Variants in PRICKLE4 observed in about 807,000 individuals in gnomAD.
PRICKLE4 encodes prickle planar cell polarity protein 4, also known as prickle-like protein 4.
Under a neutral mutation model 43.5 loss-of-function variants are expected in PRICKLE4, and 40 were observed. The ratio of observed to expected loss-of-function variants is 0.92; its 90% CI spans 0.71 to 1.20. The LOEUF (loss-of-function observed/expected upper bound fraction) is 1.20, where lower values mean the gene tolerates loss of function less well. Among genes scored for constraint, PRICKLE4 ranks in the 50% most tolerant of loss-of-function variants. The pLI is 0.00. For missense variants in PRICKLE4, 527 were observed against 491.2 expected, an observed-to-expected ratio of 1.07 and a Z score of -0.69; for synonymous variants, 208 against 197.4, an observed-to-expected ratio of 1.05 and a Z score of -0.45.
Position 41,786,142 on chromosome 6 carries a change from G to A in PRICKLE4, c.597G>A (p.Trp199Ter), listed in dbSNP as rs757250665. 3.1e-6 allele frequency: 5 copies of A among 1,613,634 alleles called. No individual in the cohort carries two copies. In the African/African-American group the frequency reaches 6.7e-5, roughly 22 times the overall value. Residue 199 changes from tryptophan to a stop codon, truncating the protein, a stop_gained, in exon 7 of 8, where the codon TGG (tryptophan) becomes TGA (stop). Coordinates refer to ENST00000458694, the MANE Select transcript of PRICKLE4 (RefSeq NM_013397.6). LOFTEE classifies it high-confidence loss of function. ...CCCTCTCCCAGCTGATCTTCTCCTG[G>A]CGCTGCACCGAGGCGGAGGGACAGC... is the stretch of plus-strand genomic sequence containing the variant. The part of the protein sequence containing the change: ...CPACDQLIFS[W>*]RCTEAEGQRW...
chr6:41,786,695 C>T (rs201691146), intron 7 of PRICKLE4, 67 bp from the exon 8 acceptor site: 6 of 1,607,390 alleles, frequency 3.7e-6, no homozygotes, highest in Middle Eastern at 1.6e-4. Flanking sequence ...GCCTCACCCC[C>T]ACTAGCTGCG....
At chr6:41,785,834 C>A (rs1345347837) in intron 6 of PRICKLE4, among the ~76,000 whole-genome samples, 1 of 152,142 alleles carries the variant, frequency 6.6e-6, no homozygotes, top group African/African-American at 2.4e-5. Context: ...ATGCCGAGTG[C>A]CCAGTGCTGT....
chr6:41,786,766 G>T lies in PRICKLE4; in HGVS notation c.792G>T (p.Glu264Asp). 6.2e-7 allele frequency: 1 copy of T among 1,612,990 alleles called. No homozygotes were observed. Among genetic ancestry groups the T allele is most frequent in the Non-Finnish European group, 8.5e-7 (1 of 1,179,780 alleles). The change falls in exon 8 of 8, where the codon GAG becomes GAT. Residue 264 changes from glutamate (E) to aspartate (D), a missense_variant. Glu to Asp is a conservative substitution (Grantham distance 45). Coordinates refer to ENST00000458694, the MANE Select transcript of PRICKLE4 (RefSeq NM_013397.6). Reference sequence around the variant, plus strand: ...TTCCGACCCGGCCCGGAACAGGGGAGACTGGACTCGACCGAACTGAAGGAA... The same window carrying T: ...TTCCGACCCGGCCCGGAACAGGGGATACTGGACTCGACCGAACTGAAGGAA... ...GALEGQAFLG[E>D]TGLDRTEGRD...
intron 2 of PRICKLE4, 142 bp from the exon 3 acceptor site, chr6:41,783,320 C>T (rs1772582558): frequency 1.2e-6 from 1 of 839,364 alleles, no homozygotes. Flanking sequence ...TCAGTTGGGC[C>T]ATCTGTAAGA....
chr6:41,785,115 T>C lies in PRICKLE4; in HGVS notation c.378+43T>C, dbSNP rs775672681. 20 of 1,606,718 alleles carry C rather than the reference T, an allele frequency of 1.2e-5. No individual in the cohort carries two copies. The East Asian group carries it at 3.1e-4, about 25-fold the overall frequency. On this transcript the variant is annotated intron_variant, in intron 5 of 7. Coordinates refer to ENST00000458694, the MANE Select transcript of PRICKLE4 (RefSeq NM_013397.6). ...CCCCAAATTCCCCTTCCTCTATTCT[T>C]TGCCCTCTCATTTCTGCAGAAGGGG...
rs61204852 is a variant in PRICKLE4 at position 41,787,401 on chromosome 6, C to A, written c.*272C>A. The A allele has an allele frequency of 3.6e-4, 218 of 610,374 alleles. 1 individual carries two copies. The East Asian group carries it at 4.6e-3, about 13-fold the overall frequency. The allele number at this position is 610,374 out of a possible 1,614,324, so 37.8% of individuals were successfully genotyped here. ...CCCACCTCCACAGGCTGGGACAGCC[C>A]CGTCCCCACCATCCTCCTCCCAAGC... On this transcript the variant is annotated 3_prime_UTR_variant, in exon 8 of 8. Coordinates refer to ENST00000458694, the MANE Select transcript of PRICKLE4 (RefSeq NM_013397.6).
rs1160965949 is a variant in PRICKLE4, at chr6:41,786,205, C to T, written c.660C>T (p.Ala220=). 1.9e-6 allele frequency: 3 copies of T among 1,609,484 alleles called. No individual in the cohort carries two copies. The highest frequency in any genetic ancestry group is 2.2e-5 in the South Asian group (2 of 90,826). Residue 220 remains alanine (A), a synonymous_variant, in exon 7 of 8, where the codon GCC becomes GCT. Transcript: ENST00000458694. ...ACCACTTCTGTTGCCAGGACTGCGC[C>T]GGGCCTCTGGGCGGGGGACGTTATG... The part of the protein sequence containing the change: ...HENHFCCQDC[A]GPLGGGRYAL...
At position 41,786,806 on chromosome 6, in the gene PRICKLE4, G is replaced by A; in HGVS notation, c.832G>A (p.Val278Met). ...AACTGAAGGAAGGGACCAAACCTCG[G>A]TGAACTCTGCAACCCTCTCCCGAAC... The part of the protein sequence containing the change: ...DRTEGRDQTS[V>M]NSATLSRTLL... Residue 278 changes from valine to methionine, a missense_variant, in exon 8 of 8, where the codon GTG becomes ATG. Transcript: ENST00000458694. 1 of 1,606,938 alleles carries A rather than the reference G, an allele frequency of 6.2e-7. No homozygotes were observed. Among genetic ancestry groups the A allele is most frequent in the South Asian group, 1.1e-5 (1 of 90,204 alleles).
rs547639371 is a variant in PRICKLE4 at position 41,786,104 on chromosome 6, CCCCTCT to C, written c.583-8_583-3del. Reference sequence around the variant, plus strand: ...TGAGGGAATGAATGAATGAAACGTTCCCCTCTCCCTCTCCCTCTCCCAGCTGATCTT... The same window carrying C: ...TGAGGGAATGAATGAATGAAACGTTCCCCTCTCCCTCTCCCAGCTGATCTT... On this transcript the variant is annotated intron_variant, in intron 6 of 7. Transcript: ENST00000458694. The C allele has an allele frequency of 1.5e-4, 234 of 1,600,118 alleles. 2 individuals are homozygous for C. The highest frequency in any genetic ancestry group is 1.2e-3 in the African/African-American group (87 of 74,754).
Position 41,787,170 on chromosome 6 carries a change from G to T in PRICKLE4, c.*41G>T, listed in dbSNP as rs764256600. 4.1e-5 allele frequency: 63 copies of T among 1,546,164 alleles called. No individual in the cohort carries two copies. The highest frequency in any genetic ancestry group is 5.2e-5 in the Non-Finnish European group (60 of 1,153,084). ...AGGGGATGTGAGTGGGAGGAAAGGG[G>T]TCTGTAAAGCGGGAGAACAAGGCTA... On this transcript the variant is annotated 3_prime_UTR_variant, in exon 8 of 8. Coordinates refer to ENST00000458694, the MANE Select transcript of PRICKLE4 (RefSeq NM_013397.6).
chr6:41,786,562 G>A (rs759830909), intron 7 of PRICKLE4, 200 bp from the exon 8 acceptor site: 6 of 1,080,798 alleles, frequency 5.6e-6, no homozygotes, highest in African/African-American at 3.3e-5. Flanking sequence ...GGGTTGCGGC[G>A]CCAGACTCCC....
At position 41,786,183 on chromosome 6, in the gene PRICKLE4, A is replaced by T; in HGVS notation, c.638A>T (p.His213Leu). 6.2e-7 allele frequency: 1 copy of T among 1,612,638 alleles called. No homozygotes were observed. The highest frequency in any genetic ancestry group is 2.2e-5 in the East Asian group (1 of 44,798). ...GAGGGACAGCGCTGGCATGAGAACC[A>T]CTTCTGTTGCCAGGACTGCGCCGGG... ...EAEGQRWHEN[H>L]FCCQDCAGPL... is the part of the protein sequence containing the mutation. The change falls in exon 7 of 8, where the codon CAC (histidine) becomes CTC (leucine). Residue 213 changes from histidine to leucine, a missense_variant. By Grantham distance (99) the His-to-Leu change is moderately conservative (BLOSUM62 -3). Transcript: ENST00000458694.
rs763727747 is a variant in PRICKLE4, at chr6:41,784,957, GGGA to G, written c.271_273del (p.Glu91del). 1 of 1,614,044 alleles carries G rather than the reference GGGA, an allele frequency of 6.2e-7. No homozygotes were observed. The highest frequency in any genetic ancestry group is 1.1e-5 in the South Asian group (1 of 91,066). On this transcript the variant is annotated inframe_deletion, in exon 5 of 8. Transcript: ENST00000458694. ...CAGGAGCGCTACTGCCTGGCCCTTG[GGGA>G]GGAGGAGCGGGCCGAGCTGCAGCTC...
intron 2 of PRICKLE4, among the ~76,000 whole-genome samples, chr6:41,781,903 G>A: frequency 6.6e-6 from 1 of 152,174 alleles, no homozygotes; most frequent in African/African-American, 2.4e-5. Context: ...CCTTGGCACA[G>A]AGTAAATATT....
Position 41,786,971 on chromosome 6 carries a change from G to A in PRICKLE4, c.997G>A (p.Asp333Asn). The change falls in exon 8 of 8, where the codon GAT becomes AAT. Residue 333 changes from aspartate to asparagine, a missense_variant. Asp to Asn is a conservative substitution (Grantham distance 23). Transcript: ENST00000458694. ...QEQCRLETIR[D>N]PKDTPFSTCS... ...GCAATGCCGCCTGGAGACTATTCGT[G>A]ATCCCAAGGACACCCCTTTCTCCAC... 1 of 1,614,106 alleles carries A rather than the reference G, an allele frequency of 6.2e-7. No individual in the cohort carries two copies. The highest frequency in any genetic ancestry group is 8.5e-7 in the Non-Finnish European group (1 of 1,179,994).
intron 7 of PRICKLE4, 85 bp downstream of exon 7, chr6:41,786,417 C>T: frequency 7.1e-7 from 1 of 1,408,332 alleles, no homozygotes. Context: ...TCGCCCCGGT[C>T]CCACGCCGTC....
intron 2 of PRICKLE4, among the ~76,000 whole-genome samples, chr6:41,783,035 A>T (rs1217963464): frequency 1.3e-5 from 2 of 152,148 alleles, no homozygotes; most frequent in Non-Finnish European, 2.9e-5. Flanking sequence ...CCCATGTAGG[A>T]AGTTGTGAAC....
rs777646423 is a variant in PRICKLE4, at chr6:41,787,115, T to C, written c.1141T>C (p.Cys381Arg). 2 of 1,604,482 alleles carry C rather than the reference T, an allele frequency of 1.2e-6. No individual in the cohort carries two copies. The highest frequency in any genetic ancestry group is 2.7e-5 in the African/African-American group (2 of 74,702). Residue 381 changes from cysteine to arginine, a missense_variant, in exon 8 of 8, where the codon TGC becomes CGC. Coordinates refer to ENST00000458694, the MANE Select transcript of PRICKLE4 (RefSeq NM_013397.6). The part of the protein sequence containing the change: ...AEDSNASKTH[C>R]TMC ...GGACAGCAACGCCTCTAAGACGCAC[T>C]GCACCATGTGCTAGTGGCGCAGCTC... is the stretch of plus-strand genomic sequence containing the variant.
Position 41,780,789 on chromosome 6 carries a change from T to G in PRICKLE4, c.-221T>G. On this transcript the variant is annotated 5_prime_UTR_variant, in exon 1 of 8. Coordinates refer to ENST00000458694, the MANE Select transcript of PRICKLE4 (RefSeq NM_013397.6). ...CCGGGTGAGGGGCCTGACGGCAGAG[T>G]CGGTCCAGAACTGCCCGGACAGCGA... 2 of 309,232 alleles carry G rather than the reference T, an allele frequency of 6.5e-6. No homozygotes were observed. The highest frequency in any genetic ancestry group is 1.3e-5 in the Non-Finnish European group (2 of 159,616). The allele number at this position is 309,232 out of a possible 1,614,324, so 19.2% of individuals were successfully genotyped here.
Sources: gnomAD v4.1 joint callset for allele counts (sites outside exome capture counted in the v4.1 genomes callset) on GRCh38, gnomAD v4.1.1 for gene constraint, MANE v1.5 for transcripts, NCBI Gene and HGNC (gene_info 2026-07-23, HGNC 2026-07-21) for gene names.